STK24: variants seen among roughly 807,000 people sequenced by gnomAD.
STK24 encodes serine/threonine-protein kinase 24.
A neutral mutation model predicts 55.6 loss-of-function variants in STK24; 21 were observed. The observed-to-expected ratio is 0.38, with a 90% confidence interval of 0.27 to 0.54. The LOEUF (loss-of-function observed/expected upper bound fraction) is 0.54. STK24 is among the 20% of genes least tolerant of loss of function. The probability of loss-of-function intolerance (pLI) is 0.79; values close to 1 mark genes in which losing one functional copy is unlikely to be tolerated. For synonymous variants in STK24, 200 were observed against 215.2 expected (o/e 0.93, Z 0.62); for missense variants, 383 against 538.4 (o/e 0.71, Z 2.86).
chr13:98,459,794 G>A (rs1244234091), intron 9 of STK24, among the ~76,000 whole-genome samples: 3 of 152,354 alleles, frequency 2.0e-5, no homozygotes, highest in Admixed American at 6.5e-5. Context: ...TTTCAAATCC[G>A]CTACTAACCA....
At position 98,519,487 on chromosome 13, in the gene STK24, G is replaced by A. The variant is rs200375288; in HGVS notation, c.43-14C>T. ...TGCCTTTAGGTTCTGTAGAGAGAAG[G>A]AAGAGAAAAGGGAAACTTTAGTCCC... On this transcript the variant is annotated splice_polypyrimidine_tract_variant and intron_variant, in intron 1 of 10. Transcript: ENST00000539966. 7,032 of 1,608,174 alleles carry A rather than the reference G, an allele frequency of 4.4e-3. 18 individuals are homozygous for A. The highest frequency in any genetic ancestry group is 5.0e-3 in the Non-Finnish European group (5,897 of 1,175,604).
At position 98,450,972 on chromosome 13, in the gene STK24, C is replaced by A. The variant is rs1893161787; in HGVS notation, c.*2201G>T. On this transcript the variant is annotated 3_prime_UTR_variant, in exon 11 of 11. Coordinates refer to ENST00000539966, the MANE Select transcript of STK24 (RefSeq NM_001032296.4). ...CGACAGGAAATGCTGCCAGTCAACTCTAAAAGAACCACTTGTTGCTCTACG... is the reference window on the plus strand; with the variant it reads ...CGACAGGAAATGCTGCCAGTCAACTATAAAAGAACCACTTGTTGCTCTACG... 6.6e-6 allele frequency: 1 copy of A among 152,264 alleles called. No individual in the cohort carries two copies. The highest frequency in any genetic ancestry group is 6.5e-5 in the Admixed American group (1 of 15,282). 9.4% of individuals were successfully genotyped at this position (152,264 alleles called of 1,614,324 possible). A position where few individuals can be genotyped will look rare whatever the true frequency, so the allele number is the denominator to read the frequency against.
At chr13:98,459,412 T>C (rs1039221930) in intron 9 of STK24, among the ~76,000 whole-genome samples, 4 of 152,202 alleles carry the variant, frequency 2.6e-5, no homozygotes, top group African/African-American at 9.6e-5. Context: ...CACCGGGCCC[T>C]GAACTTGCCA....
Position 98,448,104 on chromosome 13 carries a change from CTCTTCTGCTGAAGTGGCA to C in STK24, c.*5051_*5068del. On this transcript the variant is annotated 3_prime_UTR_variant, in exon 11 of 11. Coordinates refer to ENST00000539966, the MANE Select transcript of STK24 (RefSeq NM_001032296.4). ...CGCCTGGGTGCTGGCTGTTCCCTTG[CTCTTCTGCTGAAGTGGCA>C]GATTACCAACCAGGCGGCCTGACTT... is the stretch of plus-strand genomic sequence containing the variant. The C allele has an allele frequency of 1.4e-6, 1 of 738,178 alleles. No homozygotes were observed. The highest frequency in any genetic ancestry group is 2.4e-6 in the Non-Finnish European group (1 of 415,362). 45.7% of individuals were successfully genotyped at this position (738,178 alleles called of 1,614,324 possible).
intron 2 of STK24, among the ~76,000 whole-genome samples, chr13:98,507,182 CTGTAGAAGGAGA>C (rs1895715174): frequency 6.6e-6 from 1 of 152,200 alleles, no homozygotes; most frequent in South Asian, 2.1e-4. Context: ...GAAATACCCT[CTGTAGAAGGAGA>C]ACACACCACT....
rs533572411 is a variant in STK24 at position 98,482,939 on chromosome 13, G to A, written c.274-618C>T. On this transcript the variant is annotated intron_variant, in intron 2 of 10. Coordinates refer to ENST00000539966, the MANE Select transcript of STK24 (RefSeq NM_001032296.4). ...GGGAGCTTTCCAGAAAAGCAGGTCT[G>A]TCCTAACATGCATGTCTGTGTCCTC... 1.3e-3 allele frequency among the ~76,000 whole-genome samples: 200 copies of A among 152,350 alleles called. 2 individuals carry two copies. Among genetic ancestry groups the A allele is most frequent in the African/African-American group, 4.5e-3 (189 of 41,582 alleles).
At chr13:98,559,941 G>A (rs533774644) in intron 1 of STK24, among the ~76,000 whole-genome samples, 1 of 152,054 alleles carries the variant, frequency 6.6e-6, no homozygotes, top group Admixed American at 6.5e-5. Flanking sequence ...CTTGACCCAG[G>A]AGTTCAAGTC....
chr13:98,562,668 C>G (rs776684747), intron 1 of STK24, among the ~76,000 whole-genome samples: 13 of 152,126 alleles, frequency 8.5e-5, no homozygotes, highest in Non-Finnish European at 1.9e-4. Flanking sequence ...GTAGTCCCAG[C>G]ACTTTGGGAG....
chr13:98,573,319 T>C lies in STK24; in HGVS notation c.42+3426A>G, dbSNP rs749480666. 4.6e-5 allele frequency among the ~76,000 whole-genome samples: 7 copies of C among 152,232 alleles called. No homozygotes were observed. The East Asian group carries it at 5.8e-4, about 13-fold the overall frequency. On this transcript the variant is annotated intron_variant, in intron 1 of 10. Transcript: ENST00000539966. ...CACATTTCTGCAAACTCAAAGCCGA[T>C]TGGTGTTCCTGCCTCCATCTGAAGC...
At chr13:98,576,707 G>C (rs1294590256) in intron 1 of STK24, 38 bp downstream of exon 1, 6 of 1,451,296 alleles carry the variant, frequency 4.1e-6, no homozygotes, top group Non-Finnish European at 5.4e-6. Flanking sequence ...CTTCCGCCCC[G>C]GTCGCGCATC....
chr13:98,557,812 C>G (rs992026513), intron 1 of STK24, among the ~76,000 whole-genome samples: 12 of 152,214 alleles, frequency 7.9e-5, no homozygotes, highest in African/African-American at 2.7e-4. Flanking sequence ...GTCTTGTTCT[C>G]TTTCCTTTCC....
At chr13:98,511,414 A>G (rs1421339328) in intron 2 of STK24, among the ~76,000 whole-genome samples, 2 of 152,250 alleles carry the variant, frequency 1.3e-5, no homozygotes, top group African/African-American at 2.4e-5. Flanking sequence ...TTAAACAGAC[A>G]TTAAATAGAA....
intron 4 of STK24, 55 bp downstream of exon 4, chr13:98,475,195 C>A (rs1219758164): frequency 1.3e-6 from 2 of 1,513,988 alleles, no homozygotes; most frequent in Non-Finnish European, 1.8e-6. Flanking sequence ...GTCTTCAGGG[C>A]AACCCCACCA....
intron 1 of STK24, among the ~76,000 whole-genome samples, chr13:98,559,655 G>C (rs767182092): frequency 2.0e-5 from 3 of 151,800 alleles, no homozygotes; most frequent in Non-Finnish European, 4.4e-5. Flanking sequence ...TTACAACAAA[G>C]CCTGACAACA....
chr13:98,558,493 C>T (rs906128452), intron 1 of STK24, among the ~76,000 whole-genome samples: 4 of 152,184 alleles, frequency 2.6e-5, no homozygotes, highest in Non-Finnish European at 5.9e-5. Flanking sequence ...AGGCCTGGCA[C>T]AGCCCCAAAG....
chr13:98,522,724 T>TCACGCACCTCTACACCCCTGTGCCC (rs1170157872), intron 1 of STK24, among the ~76,000 whole-genome samples: 2 of 152,182 alleles, frequency 1.3e-5, no homozygotes, highest in African/African-American at 4.8e-5. Flanking sequence ...GGGCTGTGTC[T>TCACGCACCTCTACACCCCTGTGCCC]CACGCACCTC....
intron 1 of STK24, among the ~76,000 whole-genome samples, chr13:98,523,221 G>A (rs1896322512): frequency 6.6e-6 from 1 of 152,150 alleles, no homozygotes; most frequent in Non-Finnish European, 1.5e-5. Flanking sequence ...ACACCATCAT[G>A]TTAGGTCAAC....
intron 2 of STK24, among the ~76,000 whole-genome samples, chr13:98,517,495 T>C (rs1404736927): frequency 1.3e-5 from 2 of 151,972 alleles, no homozygotes; most frequent in African/African-American, 2.4e-5. Flanking sequence ...GCACGGTGGT[T>C]GGTGAGCGAC....
intron 2 of STK24, among the ~76,000 whole-genome samples, chr13:98,501,276 C>T (rs1470453834): frequency 6.6e-6 from 1 of 152,228 alleles, no homozygotes; most frequent in Non-Finnish European, 1.5e-5. Context: ...AACCTGCACA[C>T]TCCCTCCTCA....
Sources: allele counts gnomAD v4.1 joint callset (sites outside exome capture counted in the v4.1 genomes callset), GRCh38; gene constraint gnomAD v4.1.1; transcripts MANE v1.5; gene names NCBI Gene and HGNC (gene_info 2026-07-23, HGNC 2026-07-21).